Variants in SMG9 observed in about 807,000 individuals in gnomAD.
SMG9 encodes SMG9 nonsense mediated mRNA decay factor.
A neutral mutation model predicts 64.0 loss-of-function variants in SMG9; 55 were observed. That is an observed-to-expected ratio of 0.86 (90% confidence interval 0.69 to 1.08). The LOEUF (loss-of-function observed/expected upper bound fraction) is 1.08, where lower values mean the gene tolerates loss of function less well. Among genes scored for constraint, SMG9 ranks in the 50% least tolerant of loss-of-function variants. The pLI, the probability that SMG9 is intolerant of heterozygous loss-of-function variation, is 0.00. For missense variants in SMG9, 554 were observed against 681.3 expected (o/e 0.81, Z 2.08); for synonymous variants, 244 against 254.8 (o/e 0.96, Z 0.41).
chr19:43,740,528 T>C (rs573995669), intron 6 of SMG9, among the ~76,000 whole-genome samples: 1 of 152,280 alleles, frequency 6.6e-6, no homozygotes, highest in African/African-American at 2.4e-5. Context: ...CCTGGCTGTG[T>C]GGCTTTAGGC....
rs79083983 is a variant in SMG9, at chr19:43,747,915, A to T, written c.226-18T>A. The T allele has an allele frequency of 1.9e-6, 3 of 1,613,876 alleles. No individual in the cohort carries two copies. Among genetic ancestry groups the T allele is most frequent in the Middle Eastern group, 1.6e-4 (1 of 6,062 alleles). The stretch of plus-strand genomic sequence containing the variant: ...TGTTTTGACTACGGAGGTAAAAAAA[A>T]TCCCATCAATGGGGGCAATCCCTTC... On this transcript the variant is annotated intron_variant, in intron 3 of 13. Coordinates refer to ENST00000270066, the MANE Select transcript of SMG9 (RefSeq NM_019108.4).
chr19:43,739,981 G>A (rs1320612686), intron 7 of SMG9, 126 bp downstream of exon 7: 2 of 729,880 alleles, frequency 2.7e-6, no homozygotes, highest in Non-Finnish European at 4.9e-6. Flanking sequence ...CCCCAGGGCA[G>A]CCAGTATGTC....
In SMG9 at chr19:43,740,095, C is replaced by T. The variant is rs763465255; in HGVS notation, c.813+12G>A. On this transcript the variant is annotated intron_variant, in intron 7 of 13. Coordinates refer to ENST00000270066, the MANE Select transcript of SMG9 (RefSeq NM_019108.4). ...TGTGGCAGGGTGGGGCAAAGGCAGG[C>T]GGGGCTGGCACCTGTGTGTCCAGGA... The T allele has an allele frequency of 1.1e-5, 17 of 1,581,334 alleles. 1 individual carries two copies. The highest frequency in any genetic ancestry group is 3.3e-4 in the Middle Eastern group (2 of 6,034).
Position 43,733,324 on chromosome 19 carries a change from C to T in SMG9, c.1339G>A (p.Gly447Arg), listed in dbSNP as rs1300975730. 6.2e-7 allele frequency: 1 copy of T among 1,613,810 alleles called. No individual in the cohort carries two copies. Among genetic ancestry groups the T allele is most frequent in the Admixed American group, 1.7e-5 (1 of 59,984 alleles). ...ATGAACCTGTTGAGGGTAACTGTACCTGCTCTTGGTGGGTTTTCACTCTCT... is the reference window on the plus strand; with the variant it reads ...ATGAACCTGTTGAGGGTAACTGTACTTGCTCTTGGTGGGTTTTCACTCTCT... ...EAESENPPRA[G>R]PGSSPLFSLL... Residue 447 changes from glycine (G) to arginine (R), a missense_variant and splice_region_variant, in exon 12 of 14, where the codon GGA becomes AGA. Gly to Arg is a moderately radical substitution (Grantham distance 125). Coordinates refer to ENST00000270066, the MANE Select transcript of SMG9 (RefSeq NM_019108.4).
intron 7 of SMG9, 23 bp from the exon 8 acceptor site, chr19:43,738,240 G>A (rs1374093230): frequency 1.2e-6 from 2 of 1,604,774 alleles, no homozygotes; most frequent in Admixed American, 1.7e-5. Flanking sequence ...AGAGAACAGA[G>A]TGTCACTCAG....
intron 1 of SMG9, among the ~76,000 whole-genome samples, chr19:43,751,166 T>G (rs1969182551): frequency 6.6e-6 from 1 of 150,794 alleles, no homozygotes; most frequent in Non-Finnish European, 1.5e-5. Flanking sequence ...AGAGTTTCGC[T>G]CTTGTCACCG....
rs1390045779 is a variant in SMG9, at chr19:43,733,456, G to C, written c.1211-4C>G. The C allele has an allele frequency of 6.2e-7, 1 of 1,613,890 alleles. No individual in the cohort carries two copies. The highest frequency in any genetic ancestry group is 1.7e-5 in the Admixed American group (1 of 60,018). On this transcript the variant is annotated splice_region_variant and splice_polypyrimidine_tract_variant and intron_variant, in intron 11 of 13. Transcript: ENST00000270066. The stretch of plus-strand genomic sequence containing the variant: ...CATTGTAACATGGACAGAGTTCCTG[G>C]AGGAGAAAACGCTTCAGCCTTCAGG...
rs555666316 is a variant in SMG9 at position 43,752,299 on chromosome 19, A to G, written c.-6-1552T>C. 5.3e-5 allele frequency among the ~76,000 whole-genome samples: 8 copies of G among 152,348 alleles called. 1 individual carries two copies. In the South Asian group the frequency reaches 1.7e-3, roughly 32 times the overall value. On this transcript the variant is annotated intron_variant, in intron 1 of 13. Transcript: ENST00000270066. ...CTCTCCACCATTTCAGTATCTGTTT[A>G]CAGGTCCTTAGAGAGTTTTCCCAGC...
At chr19:43,736,283 C>T (rs970222511) in intron 9 of SMG9, among the ~76,000 whole-genome samples, 1 of 152,168 alleles carries the variant, frequency 6.6e-6, no homozygotes, top group Non-Finnish European at 1.5e-5. Flanking sequence ...CAGACACATG[C>T]CCAGTAAGAG....
chr19:43,743,693 G>A (rs749319422), intron 6 of SMG9, among the ~76,000 whole-genome samples: 2 of 152,226 alleles, frequency 1.3e-5, no homozygotes, highest in Non-Finnish European at 2.9e-5. Flanking sequence ...CTACTTGGGA[G>A]GCTGAAGTGG....
chr19:43,747,852 G>C lies in SMG9; in HGVS notation c.271C>G (p.Pro91Ala), dbSNP rs1241171957. The C allele has an allele frequency of 6.2e-7, 1 of 1,607,946 alleles. No individual in the cohort carries two copies. Among genetic ancestry groups the C allele is most frequent in the Non-Finnish European group, 8.5e-7 (1 of 1,176,770 alleles). Reference protein sequence around the residue: ...PPTAPAAPPAPAPLEKPIVLM... With the variant: ...PPTAPAAPPAAAPLEKPIVLM... Reference sequence around the variant, plus strand: ...ACGATGGGCTTCTCCAGAGGGGCTGGAGCAGGCGGGGCAGCAGGGGCTGTT... The same window carrying C: ...ACGATGGGCTTCTCCAGAGGGGCTGCAGCAGGCGGGGCAGCAGGGGCTGTT... Residue 91 changes from proline (P) to alanine (A), a missense_variant, in exon 4 of 14, where the codon CCA becomes GCA. By Grantham distance (27) the Pro-to-Ala change is conservative. Transcript: ENST00000270066.
chr19:43,747,260 T>C (rs1599656172), intron 5 of SMG9, among the ~76,000 whole-genome samples, 182 bp downstream of exon 5: 1 of 152,300 alleles, frequency 6.6e-6, no homozygotes, highest in South Asian at 2.1e-4. Flanking sequence ...TTTTACCAAC[T>C]AGCAAGCACA....
At chr19:43,748,331 A>G (rs1306420725) in intron 2 of SMG9, among the ~76,000 whole-genome samples, 1 of 152,228 alleles carries the variant, frequency 6.6e-6, no homozygotes, top group Non-Finnish European at 1.5e-5. Context: ...CAACAAGCCC[A>G]GGAGGAAAGG....
chr19:43,733,548 G>A (rs541515127), intron 11 of SMG9, 78 bp downstream of exon 11: 39 of 1,607,112 alleles, frequency 2.4e-5, no homozygotes, highest in Non-Finnish European at 3.3e-5. Flanking sequence ...GACTAGTCTG[G>A]GGGTAGAGAC....
intron 13 of SMG9, 47 bp from the exon 14 acceptor site, chr19:43,731,721 A>G (rs1968491765): frequency 6.2e-7 from 1 of 1,612,458 alleles, no homozygotes; most frequent in Non-Finnish European, 8.5e-7. Flanking sequence ...GGCTCCCCCC[A>G]GCCCAGCACC....
chr19:43,737,199 G>T (rs1018265485), intron 9 of SMG9, among the ~76,000 whole-genome samples: 1 of 152,140 alleles, frequency 6.6e-6, no homozygotes, highest in Admixed American at 6.6e-5. Context: ...CTTGAACCCA[G>T]AAGATGGAGA....
intron 12 of SMG9, 30 bp downstream of exon 12, chr19:43,733,294 T>C: frequency 1.2e-6 from 2 of 1,611,520 alleles, no homozygotes; most frequent in South Asian, 2.2e-5. Flanking sequence ...AGGACTTGTC[T>C]CTCCATGAAC....
Position 43,734,449 on chromosome 19 carries a change from T to C in SMG9, c.1042A>G (p.Ser348Gly), listed in dbSNP as rs1360887347. 1 of 1,563,194 alleles carries C rather than the reference T, an allele frequency of 6.4e-7. No homozygotes were observed. Among genetic ancestry groups the C allele is most frequent in the African/African-American group, 1.4e-5 (1 of 73,874 alleles). The change falls in exon 10 of 14, where the codon AGC (serine) becomes GGC (glycine). Residue 348 changes from serine (S) to glycine (G), a missense_variant. Coordinates refer to ENST00000270066, the MANE Select transcript of SMG9 (RefSeq NM_019108.4). ...EMVKPSTPSP[S>G]HESSSSSGSD... The stretch of plus-strand genomic sequence containing the variant: ...CCCGATGAGCTGCTGGACTCGTGGC[T>C]GGGGGATGGGGTGGAGGGCTTCACC...
chr19:43,752,273 A>C (rs1014662546), intron 1 of SMG9, among the ~76,000 whole-genome samples: 2 of 151,834 alleles, frequency 1.3e-5, no homozygotes, highest in Admixed American at 1.3e-4. Context: ...TATGCAACCC[A>C]CTCTCCACCA....
Sources: allele counts gnomAD v4.1 joint callset (sites outside exome capture counted in the v4.1 genomes callset), GRCh38; gene constraint gnomAD v4.1.1; transcripts MANE v1.5; gene names NCBI Gene and HGNC (gene_info 2026-07-23, HGNC 2026-07-21).